CLCA2: variants seen among roughly 807,000 people sequenced by gnomAD.
The protein encoded by CLCA2 is calcium-activated chloride channel regulator 2.
In CLCA2, 85 loss-of-function variants were observed where a neutral mutation model predicts 82.9. That is an observed-to-expected ratio of 1.03 (90% confidence interval 0.86 to 1.23). The LOEUF (loss-of-function observed/expected upper bound fraction) is 1.23, where lower values mean the gene tolerates loss of function less well. Among genes scored for constraint, CLCA2 ranks in the 50% most tolerant of loss-of-function variants. The pLI, the probability that CLCA2 is intolerant of heterozygous loss-of-function variation, is 0.00. For synonymous variants in CLCA2, 421 were observed against 391.7 expected, an observed-to-expected ratio of 1.07 and a Z score of -0.88; for missense variants, 1,089 against 1,124.8, an observed-to-expected ratio of 0.97 and a Z score of 0.45.
At chr1:86,449,037 A>G (rs1162873149) in intron 11 of CLCA2, among the ~76,000 whole-genome samples, 1 of 152,218 alleles carries the variant, frequency 6.6e-6, no homozygotes, top group Non-Finnish European at 1.5e-5. Context: ...GTATGCACTA[A>G]AAAAAGGAAC....
chr1:86,455,978 T>C lies in CLCA2; in HGVS notation c.*451T>C, dbSNP rs1440158010. The C allele has an allele frequency of 2.6e-5, 4 of 152,304 alleles. No individual in the cohort carries two copies. The highest frequency in any genetic ancestry group is 2.0e-4 in the Admixed American group (3 of 15,286). The allele number at this position is 152,304 out of a possible 1,614,324, so 9.4% of individuals were successfully genotyped here. On this transcript the variant is annotated 3_prime_UTR_variant, in exon 14 of 14. Coordinates refer to ENST00000370565, the MANE Select transcript of CLCA2 (RefSeq NM_006536.7). Reference sequence around the variant, plus strand: ...CAACTGAAGATCATGCTATATTTTATATATGAAGCCCCTAATGCAAAGCTC... The same window carrying C: ...CAACTGAAGATCATGCTATATTTTACATATGAAGCCCCTAATGCAAAGCTC...
chr1:86,427,434 A>G (rs1662410223), intron 2 of CLCA2, among the ~76,000 whole-genome samples: 1 of 152,084 alleles, frequency 6.6e-6, no homozygotes, highest in Admixed American at 6.6e-5. Context: ...AAAGTAATTT[A>G]TACTCATTGA....
chr1:86,431,022 GCTT>G, intron 4 of CLCA2, 52 bp downstream of exon 4: 1 of 1,331,720 alleles, frequency 7.5e-7, no homozygotes, highest in Non-Finnish European at 1.1e-6. Flanking sequence ...CTCTAAAATT[GCTT>G]ATAACTTAAG....
rs1016541092 is a variant in CLCA2 at position 86,450,804 on chromosome 1, C to T, written c.2155+71C>T. ...CATATCTCTGATGGGTATGTGTGTA[C>T]TGGGGTGGCAGGGAGTGAGAGAAAG... On this transcript the variant is annotated intron_variant, in intron 12 of 13. Transcript: ENST00000370565. 5.3e-5 allele frequency: 70 copies of T among 1,320,612 alleles called. No individual in the cohort carries two copies. In the African/African-American group the frequency reaches 8.9e-4, roughly 17 times the overall value. 81.8% of individuals were successfully genotyped at this position (1,320,612 alleles called of 1,614,324 possible).
Position 86,440,222 on chromosome 1 carries a change from T to G in CLCA2, c.1278T>G (p.Leu426=). Residue 426 remains leucine (L), a synonymous_variant, in exon 8 of 14, where the codon CTT becomes CTG. Transcript: ENST00000370565. ...ILVTSGDDKL[L]GNCLPTVLSS... ...TGACCAGCGGAGATGATAAGCTTCT[T>G]GGCAATTGCTTACCCACTGTGCTCA... 1 of 1,614,176 alleles carries G rather than the reference T, an allele frequency of 6.2e-7. No homozygotes were observed. The highest frequency in any genetic ancestry group is 8.5e-7 in the Non-Finnish European group (1 of 1,180,012).
At chr1:86,449,525 T>A (rs1040500973) in intron 11 of CLCA2, among the ~76,000 whole-genome samples, 3 of 152,344 alleles carry the variant, frequency 2.0e-5, no homozygotes, top group Admixed American at 2.0e-4. Context: ...TTTGATTTCT[T>A]ACAACAGACA....
At chr1:86,433,417 GT>G (rs1282157347) in intron 5 of CLCA2, among the ~76,000 whole-genome samples, 1 of 152,070 alleles carries the variant, frequency 6.6e-6, no homozygotes, top group East Asian at 1.9e-4. Context: ...TTTCATTCTG[GT>G]TTTAGTCAGG....
intron 12 of CLCA2, among the ~76,000 whole-genome samples, chr1:86,451,549 C>T (rs1012660755): frequency 3.9e-5 from 6 of 152,158 alleles, no homozygotes; most frequent in African/African-American, 1.2e-4. Context: ...TTGCCATTTC[C>T]TGGTTTCTAT....
At chr1:86,442,526 G>C (rs1662756499) in intron 9 of CLCA2, among the ~76,000 whole-genome samples, 1 of 152,182 alleles carries the variant, frequency 6.6e-6, no homozygotes, top group Non-Finnish European at 1.5e-5. Context: ...GGAACTACAT[G>C]TAAATCTTCT....
In CLCA2 at chr1:86,430,985, T is replaced by C. The variant is rs1553183822; in HGVS notation, c.584+15T>C. On this transcript the variant is annotated intron_variant, in intron 4 of 13. Coordinates refer to ENST00000370565, the MANE Select transcript of CLCA2 (RefSeq NM_006536.7). ...AAAGTGACAAGGTTAGTACTTTTTT[T>C]CATGTTATAATTCATTATTTATTTG... is the stretch of plus-strand genomic sequence containing the variant. 2.6e-6 allele frequency: 4 copies of C among 1,546,012 alleles called. No homozygotes were observed. The East Asian group carries it at 6.8e-5, about 26-fold the overall frequency.
chr1:86,440,344 C>G lies in CLCA2; in HGVS notation c.1381+19C>G. 6.2e-7 allele frequency: 1 copy of G among 1,606,458 alleles called. No homozygotes were observed. The highest frequency in any genetic ancestry group is 8.5e-7 in the Non-Finnish European group (1 of 1,175,968). Reference sequence around the variant, plus strand: ...CTTACAGGTAATAAACTTTTAAAAACTTATCTTTTGGAGCATGTCCCTTTA... The same window carrying G: ...CTTACAGGTAATAAACTTTTAAAAAGTTATCTTTTGGAGCATGTCCCTTTA... On this transcript the variant is annotated intron_variant, in intron 8 of 13. Coordinates refer to ENST00000370565, the MANE Select transcript of CLCA2 (RefSeq NM_006536.7).
chr1:86,455,038 T>TA, intron 13 of CLCA2, 47 bp from the exon 14 acceptor site: 4 of 1,153,960 alleles, frequency 3.5e-6, no homozygotes, highest in Non-Finnish European at 4.8e-6. Flanking sequence ...AACTAGAAAA[T>TA]ATACTCAAAG....
At chr1:86,434,052 T>G (rs956284803) in intron 5 of CLCA2, among the ~76,000 whole-genome samples, 4 of 152,180 alleles carry the variant, frequency 2.6e-5, no homozygotes, top group African/African-American at 9.7e-5. Flanking sequence ...TTATCTATTT[T>G]TACAGAGATC....
intron 3 of CLCA2, 115 bp downstream of exon 3, chr1:86,428,683 C>CA (rs1487189444): frequency 8.2e-7 from 1 of 1,216,020 alleles, no homozygotes; most frequent in Non-Finnish European, 1.1e-6. Flanking sequence ...ACTTACCACT[C>CA]AAAGGGGGAG....
chr1:86,429,352 A>C (rs894591064), intron 3 of CLCA2, among the ~76,000 whole-genome samples: 1 of 152,332 alleles, frequency 6.6e-6, no homozygotes, highest in Middle Eastern at 3.4e-3. Context: ...GAGATAAAAA[A>C]CAAAAAGAGG....
chr1:86,447,466 T>A, intron 10 of CLCA2, 42 bp from the exon 11 acceptor site: 2 of 1,579,476 alleles, frequency 1.3e-6, no homozygotes, highest in Non-Finnish European at 8.6e-7. Flanking sequence ...TAGGGTTGAT[T>A]TTTTTTTCAC....
rs768074158 is a variant in CLCA2, at chr1:86,441,492, T to A, written c.1437T>A (p.Ala479=). 3 of 1,612,456 alleles carry A rather than the reference T, an allele frequency of 1.9e-6. No individual in the cohort carries two copies. Among genetic ancestry groups the A allele is most frequent in the South Asian group, 1.1e-5 (1 of 90,984 alleles). The part of the protein sequence containing the change: ...DISNSNSMID[A]FSRISSGTGD... ...CAAACTCCAATAGCATGATTGATGC[T>A]TTCAGTAGAATTTCCTCTGGAACTG... Residue 479 remains alanine, a synonymous_variant, in exon 9 of 14, where the codon GCT becomes GCA. Transcript: ENST00000370565.
At chr1:86,425,534 CT>C in intron 2 of CLCA2, 58 bp downstream of exon 2, 1 of 1,371,294 alleles carries the variant, frequency 7.3e-7, no homozygotes, top group Admixed American at 2.6e-5. Context: ...CCAAAATATA[CT>C]GTGCTCAAAC....
At chr1:86,441,276 T>G (rs1662731345) in intron 8 of CLCA2, among the ~76,000 whole-genome samples, 161 bp from the exon 9 acceptor site, 4 of 152,182 alleles carry the variant, frequency 2.6e-5, no homozygotes, top group African/African-American at 7.2e-5. Flanking sequence ...CCACTTACCA[T>G]GTGGTTGTAT....
Sources: allele counts gnomAD v4.1 joint callset (sites outside exome capture counted in the v4.1 genomes callset), GRCh38; gene constraint gnomAD v4.1.1; transcripts MANE v1.5; gene names NCBI Gene and HGNC (gene_info 2026-07-23, HGNC 2026-07-21).